CDH12: variants seen among roughly 807,000 people sequenced by gnomAD.
The protein encoded by CDH12 is cadherin-12.
In CDH12, 41 loss-of-function variants were observed where a neutral mutation model predicts 74.1. The ratio of observed to expected loss-of-function variants is 0.55; its 90% confidence interval spans 0.43 to 0.72. The LOEUF is 0.72. CDH12 is among the 30% of genes least tolerant of loss of function. CDH12 has a pLI of 0.00. For synonymous variants in CDH12, 399 were observed against 355.0 expected (o/e 1.12, Z -1.39); for missense variants, 945 against 977.2 (o/e 0.97, Z 0.44).
intron 6 of CDH12, among the ~76,000 whole-genome samples, chr5:21,923,218 A>T (rs1411738143): frequency 1.3e-5 from 2 of 152,156 alleles, no homozygotes; most frequent in South Asian, 4.1e-4. Flanking sequence ...TAGAAAGGAC[A>T]TTCCAAGTAA....
intron 3 of CDH12, among the ~76,000 whole-genome samples, chr5:22,303,896 T>A (rs1737997489): frequency 6.6e-6 from 1 of 152,120 alleles, no homozygotes; most frequent in African/African-American, 2.4e-5. Context: ...CACCGCACCA[T>A]GGTGATACCA....
At chr5:22,480,607 T>G (rs1746349789) in intron 2 of CDH12, among the ~76,000 whole-genome samples, 1 of 151,464 alleles carries the variant, frequency 6.6e-6, no homozygotes, top group Admixed American at 6.6e-5. Context: ...AAATACACCT[T>G]GCATTCAATT....
At chr5:22,801,294 A>T (rs953310946) in intron 1 of CDH12, among the ~76,000 whole-genome samples, 1 of 152,132 alleles carries the variant, frequency 6.6e-6, no homozygotes, top group Non-Finnish European at 1.5e-5. Context: ...GTACATCAGA[A>T]AATTAGGCTT....
chr5:22,775,601 T>C (rs1314472477), intron 1 of CDH12, among the ~76,000 whole-genome samples: 2 of 152,124 alleles, frequency 1.3e-5, no homozygotes, highest in African/African-American at 2.4e-5. Context: ...GTAAATGTTA[T>C]AACTTTTCCT....
At chr5:22,631,596 G>T (rs1738588549) in intron 1 of CDH12, among the ~76,000 whole-genome samples, 1 of 152,088 alleles carries the variant, frequency 6.6e-6, no homozygotes, top group African/African-American at 2.4e-5. Context: ...AGTATCCATG[G>T]ACACAAATGT....
intron 5 of CDH12, among the ~76,000 whole-genome samples, chr5:22,040,956 C>T (rs957725457): frequency 6.6e-5 from 10 of 152,148 alleles, no homozygotes; most frequent in Admixed American, 1.3e-4. Flanking sequence ...TATACATACA[C>T]ACACACTATT....
intron 1 of CDH12, among the ~76,000 whole-genome samples, chr5:22,659,959 A>G (rs1740261042): frequency 6.6e-6 from 1 of 152,146 alleles, no homozygotes. Flanking sequence ...AAATTTTATC[A>G]TATGTTCAAT....
At chr5:21,999,925 A>T (rs1365255238) in intron 5 of CDH12, among the ~76,000 whole-genome samples, 1 of 152,136 alleles carries the variant, frequency 6.6e-6, no homozygotes, top group African/African-American at 2.4e-5. Flanking sequence ...AATTAAATAA[A>T]ATAATAAAAA....
chr5:22,690,660 TG>T (rs1374546957), intron 1 of CDH12, among the ~76,000 whole-genome samples: 13 of 152,170 alleles, frequency 8.5e-5, no homozygotes, highest in Non-Finnish European at 1.8e-4. Flanking sequence ...ATAACCTTTT[TG>T]TAAGTTCAGG....
chr5:22,293,898 A>T (rs181883563), intron 3 of CDH12, among the ~76,000 whole-genome samples: 33 of 152,290 alleles, frequency 2.2e-4, no homozygotes, highest in Non-Finnish European at 2.8e-4. Context: ...CATAGAAAAA[A>T]TAAGCTCAAG....
chr5:22,293,136 T>TCTTC (rs773753729), intron 3 of CDH12, among the ~76,000 whole-genome samples: 49 of 152,166 alleles, frequency 3.2e-4, no homozygotes, highest in Non-Finnish European at 5.4e-4. Context: ...CTGAAACTGC[T>TCTTC]CTTCCTGCTG....
At chr5:21,920,688 A>AATAATAATAATAATAATAATAATC (rs567836094) in intron 6 of CDH12, among the ~76,000 whole-genome samples, 2 of 150,000 alleles carry the variant, frequency 1.3e-5, no homozygotes, top group Admixed American at 6.7e-5. Context: ...TAATAATAAT[A>AATAATAATAATAATAATAATAATC]ATCTTCAAAG....
intron 6 of CDH12, among the ~76,000 whole-genome samples, chr5:21,929,886 T>G (rs765062913): frequency 6.6e-6 from 1 of 152,140 alleles, no homozygotes; most frequent in Non-Finnish European, 1.5e-5. Context: ...TGGGCAAAGA[T>G]GACAGATAAT....
At chr5:22,224,166 T>C (rs922162160) in intron 3 of CDH12, among the ~76,000 whole-genome samples, 1 of 152,076 alleles carries the variant, frequency 6.6e-6, no homozygotes, top group Non-Finnish European at 1.5e-5. Flanking sequence ...GCAACTCTTC[T>C]AGATCCTGCT....
At chr5:22,815,726 T>C (rs1221560145) in intron 1 of CDH12, among the ~76,000 whole-genome samples, 1 of 143,966 alleles carries the variant, frequency 6.9e-6, no homozygotes, top group African/African-American at 2.5e-5. Flanking sequence ...GCTGAGATCA[T>C]GCTGCTGCAC....
At chr5:22,622,765 C>T (rs1190871744) in intron 1 of CDH12, among the ~76,000 whole-genome samples, 1 of 152,104 alleles carries the variant, frequency 6.6e-6, no homozygotes, top group Non-Finnish European at 1.5e-5. Flanking sequence ...GGTACCATTC[C>T]CTCTGAAACT....
chr5:22,797,537 A>G (rs1040878641), intron 1 of CDH12, among the ~76,000 whole-genome samples: 4 of 152,224 alleles, frequency 2.6e-5, no homozygotes, highest in South Asian at 2.1e-4. Flanking sequence ...AAGGACTTAG[A>G]TATATTATAA....
chr5:22,053,564 A>G (rs1237107362), intron 5 of CDH12, among the ~76,000 whole-genome samples: 1 of 152,082 alleles, frequency 6.6e-6, no homozygotes, highest in African/African-American at 2.4e-5. Context: ...TTTGGACTCT[A>G]GTTCACTGAT....
intron 1 of CDH12, among the ~76,000 whole-genome samples, chr5:22,641,717 C>A (rs780737423): frequency 2.0e-5 from 3 of 152,176 alleles, no homozygotes; most frequent in Non-Finnish European, 2.9e-5. Flanking sequence ...TTGGCCAACT[C>A]TTTCTTGCTA....
Sources: allele counts gnomAD v4.1 joint callset (sites outside exome capture counted in the v4.1 genomes callset), GRCh38; gene constraint gnomAD v4.1.1; transcripts MANE v1.5; gene names NCBI Gene and HGNC (gene_info 2026-07-23, HGNC 2026-07-21).